The following LRP10 variants were observed in gnomAD, a reference collection of about 807,000 sequenced individuals.
LRP10 encodes LDL receptor related protein 10, also known as low-density lipoprotein receptor-related protein 10.
Under a neutral mutation model 58.5 loss-of-function variants are expected in LRP10, and 42 were observed. The observed-to-expected ratio is 0.72, with a 90% confidence interval of 0.56 to 0.93. LRP10 has a LOEUF of 0.93. LRP10 is among the 40% of genes least tolerant of loss of function. The pLI, the probability that LRP10 is intolerant of heterozygous loss-of-function variation, is 0.00. For missense variants in LRP10, 872 were observed against 940.1 expected, an observed-to-expected ratio of 0.93 and a Z score of 0.95; for synonymous variants, 377 against 388.5, an observed-to-expected ratio of 0.97 and a Z score of 0.35.
In LRP10 at chr14:22,879,351, T is replaced by C. The variant is rs2040039387; in HGVS notation, c.*1824T>C. On this transcript the variant is annotated 3_prime_UTR_variant, in exon 7 of 7. Coordinates refer to ENST00000359591, the MANE Select transcript of LRP10 (RefSeq NM_014045.5). ...GGGCTCTGGAGAACCTGGTTCTTGCTTACTGTTCTCCCTTTGGGCCCTCCT... is the reference window on the plus strand; with the variant it reads ...GGGCTCTGGAGAACCTGGTTCTTGCCTACTGTTCTCCCTTTGGGCCCTCCT... The C allele has an allele frequency of 2.9e-6, 1 of 347,294 alleles. No individual in the cohort carries two copies. The highest frequency in any genetic ancestry group is 3.2e-5 in the Admixed American group (1 of 31,134). 21.5% of individuals were successfully genotyped at this position (347,294 alleles called of 1,614,324 possible).
Position 22,879,681 on chromosome 14 carries a change from T to C in LRP10, c.*2154T>C, listed in dbSNP as rs1000942014. The C allele has an allele frequency of 1.5e-4, 23 of 158,424 alleles. No homozygotes were observed. The highest frequency in any genetic ancestry group is 5.5e-4 in the African/African-American group (23 of 41,702). The allele number at this position is 158,424 out of a possible 1,614,324, so 9.8% of individuals were successfully genotyped here. On this transcript the variant is annotated 3_prime_UTR_variant, in exon 7 of 7. Transcript: ENST00000359591. ...TAGGGCAGAGTTCACTAAGGAGGCT[T>C]GTGCTTATAGATCAGTGGGCCTGAA...
Position 22,873,357 on chromosome 14 carries a change from A to C in LRP10, c.126A>C (p.Leu42Phe), listed in dbSNP as rs370281407. The change falls in exon 3 of 7, where the codon TTA becomes TTC. Residue 42 changes from leucine (L) to phenylalanine (F), a missense_variant. Transcript: ENST00000359591. Reference protein sequence around the residue: ...PAVLLEVQGTLQRPLVRDSRT... With the variant: ...PAVLLEVQGTFQRPLVRDSRT... ...TGCTCTTAGAAGTGCAGGGCACCTT[A>C]CAGAGGCCCCTGGTCCGGGACAGCC... The C allele has an allele frequency of 1.7e-5, 28 of 1,613,966 alleles. No homozygotes were observed. Among genetic ancestry groups the C allele is most frequent in the Non-Finnish European group, 2.3e-5 (27 of 1,180,000 alleles).
In LRP10 at chr14:22,878,486, AC is replaced by A. The variant is rs544779801; in HGVS notation, c.*962del. On this transcript the variant is annotated 3_prime_UTR_variant, in exon 7 of 7. Coordinates refer to ENST00000359591, the MANE Select transcript of LRP10 (RefSeq NM_014045.5). ...ACAGGAGTCATGACTCCTACCCTCCACCCTCCACACCCACCAGGCATTTAGC... is the reference window on the plus strand; with the variant it reads ...ACAGGAGTCATGACTCCTACCCTCCACCTCCACACCCACCAGGCATTTAGC... 10 of 152,162 alleles carry A rather than the reference AC, an allele frequency of 6.6e-5. No individual in the cohort carries two copies. Among genetic ancestry groups the A allele is most frequent in the African/African-American group, 2.4e-4 (10 of 41,468 alleles). The allele number at this position is 152,162 out of a possible 1,614,324, so 9.4% of individuals were successfully genotyped here. A position where few individuals can be genotyped will look rare whatever the true frequency, so the allele number is the denominator to read the frequency against.
Position 22,877,067 on chromosome 14 carries a change from G to A in LRP10, c.1682G>A (p.Arg561His), listed in dbSNP as rs372360286. 94 of 1,613,702 alleles carry A rather than the reference G, an allele frequency of 5.8e-5. No individual in the cohort carries two copies. The highest frequency in any genetic ancestry group is 8.0e-5 in the African/African-American group (6 of 74,930). Residue 561 changes from arginine to histidine, a missense_variant, in exon 7 of 7, where the codon CGC becomes CAC. By Grantham distance (29) the Arg-to-His change is conservative. Coordinates refer to ENST00000359591, the MANE Select transcript of LRP10 (RefSeq NM_014045.5). The surrounding 1 kb of genome is among the most constrained non-coding windows in gnomAD (Gnocchi z 5.1). The part of the protein sequence containing the change: ...RLMRRLVRRL[R>H]RWGLLPRTNT... ...ATGCGACGCCTGGTACGCCGTCTCC[G>A]CCGCTGGGGCTTGCTCCCTCGAACC...
In LRP10 at chr14:22,872,016, C is replaced by T. The variant is rs572176961; in HGVS notation, c.-288C>T. ...CGGGCGGGCTGTAGGCGAGGGCGCG[C>T]CCCAGTGCCGAGACCCGGGGCTTCA... On this transcript the variant is annotated 5_prime_UTR_variant, in exon 1 of 7. Transcript: ENST00000359591. The T allele has an allele frequency of 1.1e-3, 594 of 556,342 alleles. 5 individuals are homozygous for T. The South Asian group carries it at 0.012, about 11-fold the overall frequency. The allele number at this position is 556,342 out of a possible 1,614,324, so 34.5% of individuals were successfully genotyped here.
At chr14:22,873,519 A>G in intron 3 of LRP10, 73 bp downstream of exon 3, 1 of 1,433,452 alleles carries the variant, frequency 7.0e-7, no homozygotes, top group Non-Finnish European at 9.4e-7. Context: ...GTCTTCAGGG[A>G]TCACTTCTTT....
At position 22,879,218 on chromosome 14, in the gene LRP10, G is replaced by A. The variant is rs570017730; in HGVS notation, c.*1691G>A. 2.1e-4 allele frequency: 98 copies of A among 456,644 alleles called. 1 individual carries two copies. In the Admixed American group the frequency reaches 2.3e-3, roughly 11 times the overall value. The allele number at this position is 456,644 out of a possible 1,614,324, so 28.3% of individuals were successfully genotyped here. The stretch of plus-strand genomic sequence containing the variant: ...TTCTAGTGAGCAAGAGCCTGAGGAA[G>A]TAGCAGAGAGGGGTGTGGGCCCATG... On this transcript the variant is annotated 3_prime_UTR_variant, in exon 7 of 7. Transcript: ENST00000359591.
chr14:22,877,309 C>T lies in LRP10; in HGVS notation c.1924C>T (p.Pro642Ser), dbSNP rs1164707889. The T allele has an allele frequency of 3.7e-6, 6 of 1,611,678 alleles. No homozygotes were observed. In the South Asian group the frequency reaches 6.6e-5, roughly 18 times the overall value. ...TTVPEAPGPL[P>S]SLPLEPSLLS... ...TGTCCCTGAAGCCCCAGGGCCACTG[C>T]CCTCACTGCCCCTAGAGCCATCACT... Residue 642 changes from proline to serine, a missense_variant, in exon 7 of 7, where the codon CCC (proline) becomes TCC (serine). Physicochemically the swap from Pro to Ser is moderately conservative, Grantham distance 74. Coordinates refer to ENST00000359591, the MANE Select transcript of LRP10 (RefSeq NM_014045.5). This position sits in a 1 kb window ranked among gnomAD's most constrained non-coding sequence, Gnocchi z 5.1.
rs186955403 is a variant in LRP10, at chr14:22,875,446, C to T, written c.498C>T (p.Gly166=). The part of the protein sequence containing the change: ...VQRCDGVDAC[G]DGSDEAGCSS... ...GCTGTGATGGGGTTGATGCCTGTGG[C>T]GATGGCTCTGATGAAGCAGGTTGCA... The change falls in exon 5 of 7, where the codon GGC becomes GGT. Residue 166 remains glycine, a synonymous_variant. Transcript: ENST00000359591. The T allele has an allele frequency of 8.1e-6, 13 of 1,614,180 alleles. No homozygotes were observed. The highest frequency in any genetic ancestry group is 2.2e-5 in the East Asian group (1 of 44,888).
intron 3 of LRP10, among the ~76,000 whole-genome samples, chr14:22,874,799 C>T (rs759073498): frequency 1.3e-5 from 2 of 152,110 alleles, no homozygotes; most frequent in East Asian, 1.9e-4. Flanking sequence ...AGGCAGGAGA[C>T]TCACTTGAAC....
rs1595031708 is a variant in LRP10 at position 22,877,231 on chromosome 14, C to T, written c.1846C>T (p.Leu616=). The T allele has an allele frequency of 6.2e-7, 1 of 1,604,836 alleles. No homozygotes were observed. ...GCAAGATGGGGAGCAGGCACCCCCACTGCCCATCAAGGCTCCCCTCCCATC... is the reference window on the plus strand; with the variant it reads ...GCAAGATGGGGAGCAGGCACCCCCATTGCCCATCAAGGCTCCCCTCCCATC... ...GGQDGEQAPP[L]PIKAPLPSAS... The change falls in exon 7 of 7, where the codon CTG becomes TTG. Residue 616 remains leucine (L), a synonymous_variant. Transcript: ENST00000359591. This position sits in a 1 kb window ranked among gnomAD's most constrained non-coding sequence, Gnocchi z 5.1.
chr14:22,877,140 T>A lies in LRP10; in HGVS notation c.1755T>A (p.Ser585=). The change falls in exon 7 of 7, where the codon TCT becomes TCA. Residue 585 remains serine, a synonymous_variant. Coordinates refer to ENST00000359591, the MANE Select transcript of LRP10 (RefSeq NM_014045.5). The surrounding 1 kb of genome is among the most constrained non-coding windows in gnomAD (Gnocchi z 5.1). ...ASEARSQVTP[S]AAPLEALDGG... is the part of the protein sequence containing the mutation. The stretch of plus-strand genomic sequence containing the variant: ...AGGCCAGATCCCAGGTCACACCTTC[T>A]GCTGCTCCCCTTGAGGCCCTAGATG... The A allele has an allele frequency of 6.2e-7, 1 of 1,610,382 alleles. No homozygotes were observed. The highest frequency in any genetic ancestry group is 8.5e-7 in the Non-Finnish European group (1 of 1,178,208).
rs553095516 is a variant in LRP10, at chr14:22,879,525, C to A, written c.*1998C>A. On this transcript the variant is annotated 3_prime_UTR_variant, in exon 7 of 7. Coordinates refer to ENST00000359591, the MANE Select transcript of LRP10 (RefSeq NM_014045.5). Reference sequence around the variant, plus strand: ...CCCCCATAGCCACCTCAAATACCTGCAGCCTGATATCTTCATCCCTTCATC... The same window carrying A: ...CCCCCATAGCCACCTCAAATACCTGAAGCCTGATATCTTCATCCCTTCATC... 4.3e-5 allele frequency: 9 copies of A among 209,366 alleles called. No homozygotes were observed. Among genetic ancestry groups the A allele is most frequent in the African/African-American group, 2.0e-4 (9 of 44,804 alleles). The allele number at this position is 209,366 out of a possible 1,614,324, so 13.0% of individuals were successfully genotyped here.
chr14:22,873,489 C>T (rs368493989), intron 3 of LRP10, 43 bp downstream of exon 3: 43 of 1,595,978 alleles, frequency 2.7e-5, no homozygotes, highest in Non-Finnish European at 3.6e-5. Context: ...TTCTCCCCTG[C>T]CCCTTCCCCT....
At chr14:22,874,040 ACTGTT>A (rs1005178311) in intron 3 of LRP10, among the ~76,000 whole-genome samples, 4 of 152,220 alleles carry the variant, frequency 2.6e-5, no homozygotes, top group African/African-American at 9.7e-5. Context: ...CTCAGATAGA[ACTGTT>A]CTGAAGAGTC....
chr14:22,876,712 T>A lies in LRP10; in HGVS notation c.1448T>A (p.Met483Lys). Residue 483 changes from methionine to lysine, a missense_variant, in exon 6 of 7, where the codon ATG becomes AAG. Transcript: ENST00000359591. ...AGCATCTTTGCCCCCCTCTCCCGGA[T>A]GGAGGCTGAGATTGTGCAGCAGCAG... Reference protein sequence around the residue: ...EYSIFAPLSRMEAEIVQQQAP... With the variant: ...EYSIFAPLSRKEAEIVQQQAP... The A allele has an allele frequency of 6.2e-7, 1 of 1,613,906 alleles. No homozygotes were observed. Among genetic ancestry groups the A allele is most frequent in the Non-Finnish European group, 8.5e-7 (1 of 1,179,872 alleles).
Position 22,872,246 on chromosome 14 carries a change from C to T in LRP10, c.-58C>T. ...TGGGCGCCCGGGGCTCCGCCGCGAC[C>T]CCATCGGGTAGACCACAGAAGCTCC... On this transcript the variant is annotated 5_prime_UTR_variant, in exon 1 of 7. Transcript: ENST00000359591. 1.9e-6 allele frequency: 3 copies of T among 1,598,730 alleles called. No homozygotes were observed. In the Admixed American group the frequency reaches 5.0e-5, roughly 27 times the overall value.
In LRP10 at chr14:22,878,538, A is replaced by G. The variant is rs2040031366; in HGVS notation, c.*1011A>G. The G allele has an allele frequency of 6.5e-6, 1 of 153,124 alleles. No homozygotes were observed. 9.5% of individuals were successfully genotyped at this position (153,124 alleles called of 1,614,324 possible). A position where few individuals can be genotyped will look rare whatever the true frequency, so the allele number is the denominator to read the frequency against. On this transcript the variant is annotated 3_prime_UTR_variant, in exon 7 of 7. Coordinates refer to ENST00000359591, the MANE Select transcript of LRP10 (RefSeq NM_014045.5). ...AGTCTGTCCTATGCAAGACAGATGA[A>G]TTCTCAGCCAGGATACCTCAAGGCA... is the stretch of plus-strand genomic sequence containing the variant.
chr14:22,873,404 C>T lies in LRP10; in HGVS notation c.173C>T (p.Thr58Ile). 5 of 1,614,202 alleles carry T rather than the reference C, an allele frequency of 3.1e-6. No individual in the cohort carries two copies. The highest frequency in any genetic ancestry group is 4.2e-6 in the Non-Finnish European group (5 of 1,180,024). Reference protein sequence around the residue: ...RDSRTSPANCTWLILGSKEQT... With the variant: ...RDSRTSPANCIWLILGSKEQT... ...AGCCGCACCTCCCCTGCCAACTGCA[C>T]CTGGCTCATCCTGGGCAGCAAGGAA... is the stretch of plus-strand genomic sequence containing the variant. The change falls in exon 3 of 7, where the codon ACC becomes ATC. Residue 58 changes from threonine (T) to isoleucine (I), a missense_variant. Thr to Ile is a moderately conservative substitution (Grantham distance 89). Coordinates refer to ENST00000359591, the MANE Select transcript of LRP10 (RefSeq NM_014045.5).
Sources: allele counts gnomAD v4.1 joint callset (sites outside exome capture counted in the v4.1 genomes callset), GRCh38; gene constraint gnomAD v4.1.1; non-coding constraint Gnocchi (gnomAD v3.1); transcripts MANE v1.5; gene names NCBI Gene and HGNC (gene_info 2026-07-23, HGNC 2026-07-21).